NCAM2: variants seen among roughly 807,000 people sequenced by gnomAD.
NCAM2 encodes N-CAM-2.
A neutral mutation model predicts 98.1 loss-of-function variants in NCAM2; 30 were observed. The observed-to-expected ratio is 0.31, with a 90% CI of 0.23 to 0.41. NCAM2 has a LOEUF of 0.41. Ranked by LOEUF, NCAM2 falls within the 10% of genes least tolerant of loss-of-function variation. The pLI is 1.00. For synonymous variants in NCAM2, 368 were observed against 342.4 expected, an observed-to-expected ratio of 1.07 and a Z score of -0.83; for missense variants, 867 against 1,005.8, an observed-to-expected ratio of 0.86 and a Z score of 1.87.
chr21:21,082,292 A>C (rs2065823488), intron 1 of NCAM2, among the ~76,000 whole-genome samples: 1 of 150,898 alleles, frequency 6.6e-6, no homozygotes, highest in African/African-American at 2.4e-5. Flanking sequence ...AAAAAAAAAA[A>C]AACAAAACAA....
chr21:21,162,795 C>G (rs2146790023), intron 1 of NCAM2, among the ~76,000 whole-genome samples: 1 of 152,158 alleles, frequency 6.6e-6, no homozygotes, highest in East Asian at 1.9e-4. Flanking sequence ...CCTTAGGAAA[C>G]AAGTCATCGT....
Position 21,300,312 on chromosome 21 carries a change from C to T in NCAM2, c.619+8071C>T, listed in dbSNP as rs369149178. On this transcript the variant is annotated intron_variant, in intron 5 of 17. Transcript: ENST00000400546. ...CCACGAAGATCCAAATGAGGCACCTCAAAGAGACTCTCAGGTAGAGTTCTT... is the reference window on the plus strand; with the variant it reads ...CCACGAAGATCCAAATGAGGCACCTTAAAGAGACTCTCAGGTAGAGTTCTT... 5.3e-5 allele frequency among the ~76,000 whole-genome samples: 8 copies of T among 152,144 alleles called. 1 individual carries two copies. Among genetic ancestry groups the T allele is most frequent in the African/African-American group, 1.9e-4 (8 of 41,538 alleles).
chr21:21,350,968 T>C (rs555441524), intron 8 of NCAM2, among the ~76,000 whole-genome samples: 1 of 141,914 alleles, frequency 7.0e-6, no homozygotes, highest in Admixed American at 7.0e-5. Flanking sequence ...AGAAAAAAAA[T>C]TAGCCAGGCG....
At chr21:21,380,517 C>A (rs902643839) in intron 9 of NCAM2, among the ~76,000 whole-genome samples, 5 of 151,314 alleles carry the variant, frequency 3.3e-5, no homozygotes, top group African/African-American at 1.2e-4. Context: ...ATGTGTGGGT[C>A]GGGCTGTGTT....
chr21:21,079,464 A>T (rs1390669737), intron 1 of NCAM2, among the ~76,000 whole-genome samples: 1 of 152,178 alleles, frequency 6.6e-6, no homozygotes, highest in Non-Finnish European at 1.5e-5. Flanking sequence ...ATTGTGCTAA[A>T]AGGATTTCTT....
intron 1 of NCAM2, among the ~76,000 whole-genome samples, chr21:21,160,642 T>G (rs963311471): frequency 3.9e-5 from 6 of 152,078 alleles, no homozygotes; most frequent in African/African-American, 1.2e-4. Context: ...TCTTTATTTC[T>G]TACTATTTAC....
chr21:21,335,969 C>A (rs1171298561), intron 7 of NCAM2, among the ~76,000 whole-genome samples: 2 of 151,998 alleles, frequency 1.3e-5, no homozygotes, highest in Non-Finnish European at 2.9e-5. Flanking sequence ...CTCTAAATGA[C>A]ACATGTTAGG....
intron 14 of NCAM2, among the ~76,000 whole-genome samples, chr21:21,473,402 A>T (rs1290383018): frequency 7.7e-6 from 1 of 129,766 alleles, no homozygotes; most frequent in Non-Finnish European, 1.7e-5. Flanking sequence ...ATTATATATA[A>T]AATCCAGACT....
intron 15 of NCAM2, 106 bp downstream of exon 15, chr21:21,477,577 A>G: frequency 1.1e-6 from 1 of 911,516 alleles, no homozygotes; most frequent in Non-Finnish European, 1.5e-6. Flanking sequence ...ACTGAAATGT[A>G]AATTCCAGGT....
intron 9 of NCAM2, among the ~76,000 whole-genome samples, chr21:21,390,123 C>G (rs924681205): frequency 3.3e-5 from 5 of 152,126 alleles, no homozygotes; most frequent in African/African-American, 7.2e-5. Context: ...GCTGGGATTA[C>G]AGGTGCGAGC....
intron 8 of NCAM2, among the ~76,000 whole-genome samples, chr21:21,350,420 G>A (rs1195998388): frequency 6.6e-6 from 1 of 151,940 alleles, no homozygotes; most frequent in Non-Finnish European, 1.5e-5. Context: ...CTACAATCCA[G>A]GACAGCTTCA....
intron 1 of NCAM2, among the ~76,000 whole-genome samples, chr21:21,101,805 T>A (rs965778345): frequency 1.3e-5 from 2 of 152,096 alleles, no homozygotes; most frequent in African/African-American, 4.8e-5. Flanking sequence ...ATAAGTAAAG[T>A]TAAAATCATT....
chr21:21,192,419 G>A (rs1010409412), intron 1 of NCAM2, among the ~76,000 whole-genome samples: 1 of 152,064 alleles, frequency 6.6e-6, no homozygotes, highest in South Asian at 2.1e-4. Context: ...TAGATAAATA[G>A]AATAAAGTCC....
At chr21:21,295,254 G>GT (rs145339582) in intron 5 of NCAM2, among the ~76,000 whole-genome samples, 122,539 of 146,020 alleles carry the variant, frequency 0.84, 49,567 homozygotes, top group East Asian at 0.93. Flanking sequence ...ATACTCTTTT[G>GT]TTCACCAATT....
intron 10 of NCAM2, among the ~76,000 whole-genome samples, chr21:21,415,246 ATCT>A (rs919762729): frequency 6.6e-6 from 1 of 151,040 alleles, no homozygotes; most frequent in East Asian, 2.0e-4. Context: ...TCTAGATGGC[ATCT>A]TCTTGCAATA....
chr21:21,243,618 T>C (rs978194441), intron 1 of NCAM2, among the ~76,000 whole-genome samples: 6 of 152,192 alleles, frequency 3.9e-5, no homozygotes, highest in African/African-American at 1.4e-4. Flanking sequence ...CATGGTGGCA[T>C]GCCCACCATC....
At chr21:21,098,869 T>C (rs1261329585) in intron 1 of NCAM2, among the ~76,000 whole-genome samples, 4 of 151,816 alleles carry the variant, frequency 2.6e-5, no homozygotes, top group African/African-American at 9.7e-5. Flanking sequence ...AGGCCACAAT[T>C]TTCAGCAAGC....
At chr21:21,484,814 A>G (rs1424502535) in intron 15 of NCAM2, among the ~76,000 whole-genome samples, 1 of 152,188 alleles carries the variant, frequency 6.6e-6, no homozygotes, top group Non-Finnish European at 1.5e-5. Flanking sequence ...AGTTCACTGC[A>G]TAACATACTT....
chr21:21,401,346 G>A (rs905415871), intron 9 of NCAM2, among the ~76,000 whole-genome samples: 10 of 152,044 alleles, frequency 6.6e-5, no homozygotes, highest in African/African-American at 2.4e-4. Flanking sequence ...TACTGTCTTA[G>A]CAATTTTTAA....
Sources: allele counts gnomAD v4.1 joint callset (sites outside exome capture counted in the v4.1 genomes callset), GRCh38; gene constraint gnomAD v4.1.1; transcripts MANE v1.5; gene names NCBI Gene and HGNC (gene_info 2026-07-23, HGNC 2026-07-21).